USP37: variants seen among roughly 807,000 people sequenced by gnomAD.
The protein encoded by USP37 is ubiquitin specific peptidase 37.
A neutral mutation model predicts 124.0 loss-of-function variants in USP37; 27 were observed. The ratio of observed to expected loss-of-function variants is 0.22; its 90% CI spans 0.16 to 0.30. USP37 has a LOEUF of 0.30. Among genes scored for constraint, USP37 ranks in the 10% least tolerant of loss-of-function variants. The pLI, the probability that USP37 is intolerant of heterozygous loss-of-function variation, is 1.00. For missense variants in USP37, 889 were observed against 1,140.4 expected (o/e 0.78, Z 3.17); for synonymous variants, 365 against 388.0 (o/e 0.94, Z 0.70).
Position 218,456,235 on chromosome 2 carries a change from G to C in USP37, c.2714-517C>G, listed in dbSNP as rs377523316. Among the ~76,000 whole-genome samples, 157 of 151,512 alleles carry C rather than the reference G, an allele frequency of 1.0e-3. 3 individuals carry two copies. The South Asian group carries it at 0.032, about 31-fold the overall frequency. ...AGGCCAAGGCAGGAGGACTGCTTGA[G>C]GCCAGGAGTTTGAAACCAGCTTGGG... On this transcript the variant is annotated intron_variant, in intron 24 of 25. Coordinates refer to ENST00000258399, the MANE Select transcript of USP37 (RefSeq NM_020935.3).
At chr2:218,455,101 T>C (rs759764099) in intron 25 of USP37, 84 bp from the exon 26 acceptor site, 5 of 1,512,936 alleles carry the variant, frequency 3.3e-6, no homozygotes, top group Non-Finnish European at 4.5e-6. Context: ...TAAAATAAAA[T>C]TGATATGGAT....
chr2:218,560,727 G>A (rs1574968885), intron 3 of USP37, 93 bp downstream of exon 3: 1 of 152,206 alleles, frequency 6.6e-6, no homozygotes, highest in East Asian at 1.9e-4. Context: ...AGAAAATAAA[G>A]ACATCCAAAC....
chr2:218,474,245 C>T (rs1335344333), intron 20 of USP37, among the ~76,000 whole-genome samples: 2 of 152,172 alleles, frequency 1.3e-5, no homozygotes, highest in African/African-American at 4.8e-5. Flanking sequence ...ATATGGCATA[C>T]TTTACCACTA....
chr2:218,476,953 A>G lies in USP37; in HGVS notation c.1930T>C (p.Leu644=). The change falls in exon 19 of 26, where the codon TTG becomes CTG. Residue 644 remains leucine, a synonymous_variant. Coordinates refer to ENST00000258399, the MANE Select transcript of USP37 (RefSeq NM_020935.3). ...CTGTCTGAATCAAGGCATAAAGCCA[A>G]GGAGCTCTTGGATTTGAAGGTGAAT... ...KKFTFKSKSS[L]ALCLDSDSED... The G allele has an allele frequency of 6.5e-7, 1 of 1,547,722 alleles. No individual in the cohort carries two copies. Among genetic ancestry groups the G allele is most frequent in the Non-Finnish European group, 8.7e-7 (1 of 1,149,872 alleles).
intron 14 of USP37, among the ~76,000 whole-genome samples, chr2:218,492,509 G>C (rs973697397): frequency 6.6e-6 from 1 of 152,166 alleles, no homozygotes; most frequent in Non-Finnish European, 1.5e-5. Context: ...ATTTTAAATG[G>C]ATTGCTTTGG....
intron 5 of USP37, among the ~76,000 whole-genome samples, chr2:218,552,074 G>C (rs1346421787): frequency 6.6e-6 from 1 of 152,136 alleles, no homozygotes; most frequent in Admixed American, 6.6e-5. Flanking sequence ...TTACAGGTGT[G>C]AGCAACCGTG....
chr2:218,476,469 G>C (rs1224202459), intron 19 of USP37, among the ~76,000 whole-genome samples: 2 of 152,068 alleles, frequency 1.3e-5, no homozygotes, highest in Admixed American at 6.6e-5. Context: ...CAGCTACTTG[G>C]GGAGCTGAGG....
intron 5 of USP37, among the ~76,000 whole-genome samples, chr2:218,552,298 T>C (rs1692710855): frequency 6.6e-6 from 1 of 152,224 alleles, no homozygotes; most frequent in Non-Finnish European, 1.5e-5. Context: ...CATATTTAAG[T>C]TGAAAAAATT....
chr2:218,461,522 G>T (rs1001410955), intron 22 of USP37, among the ~76,000 whole-genome samples: 2 of 146,004 alleles, frequency 1.4e-5, no homozygotes, highest in African/African-American at 4.9e-5. Flanking sequence ...AAAAAAAAAA[G>T]AAAAAAGAAA....
chr2:218,460,054 G>A, intron 22 of USP37, 149 bp from the exon 23 acceptor site: 1 of 281,062 alleles, frequency 3.6e-6, no homozygotes, highest in Non-Finnish European at 6.6e-6. Context: ...AACATGGTCA[G>A]AGATGGGGTA....
chr2:218,467,066 G>A (rs1476913778), intron 20 of USP37, among the ~76,000 whole-genome samples: 1 of 152,046 alleles, frequency 6.6e-6, no homozygotes, highest in African/African-American at 2.4e-5. Flanking sequence ...TGTTGAACAT[G>A]TGTTTAAACA....
rs1689287836 is a variant in USP37, at chr2:218,500,025, T to C, written c.1026-1868A>G. ...CTCAAGCAATCCTCCTTCCTTGGCCTCCCAAAGTGTTGGGATTACAGGCGT... is the reference window on the plus strand; with the variant it reads ...CTCAAGCAATCCTCCTTCCTTGGCCCCCCAAAGTGTTGGGATTACAGGCGT... On this transcript the variant is annotated intron_variant, in intron 11 of 25. Transcript: ENST00000258399. 4.6e-5 allele frequency among the ~76,000 whole-genome samples: 7 copies of C among 152,194 alleles called. No individual in the cohort carries two copies. In the South Asian group the frequency reaches 1.2e-3, roughly 27 times the overall value.
intron 8 of USP37, among the ~76,000 whole-genome samples, chr2:218,534,978 G>A (rs768587036): frequency 4.6e-5 from 7 of 152,262 alleles, no homozygotes; most frequent in South Asian, 4.1e-4. Context: ...TTATATAAAA[G>A]TCAAATCAGA....
chr2:218,491,316 A>G (rs1369891008), intron 14 of USP37, among the ~76,000 whole-genome samples: 1 of 152,204 alleles, frequency 6.6e-6, no homozygotes, highest in African/African-American at 2.4e-5. Flanking sequence ...AAGGATCTAT[A>G]GGCAGCCTTT....
At chr2:218,498,296 A>C (rs374407879) in intron 11 of USP37, 139 bp from the exon 12 acceptor site, 2 of 832,854 alleles carry the variant, frequency 2.4e-6, no homozygotes, top group South Asian at 2.8e-5. Flanking sequence ...CCTAACCCCA[A>C]GGTTTCTGAT....
At chr2:218,559,953 CT>C (rs1210992117) in intron 3 of USP37, among the ~76,000 whole-genome samples, 1 of 151,856 alleles carries the variant, frequency 6.6e-6, no homozygotes, top group Non-Finnish European at 1.5e-5. Flanking sequence ...CAATTCCAGC[CT>C]AGGTGACACT....
intron 6 of USP37, 103 bp from the exon 7 acceptor site, chr2:218,547,194 A>ATCGCACCTGGCTCCATTT: frequency 8.0e-7 from 1 of 1,253,232 alleles, no homozygotes; most frequent in Non-Finnish European, 1.1e-6. Flanking sequence ...AAATGGAGCC[A>ATCGCACCTGGCTCCATTT]GGTGCGATGG....
chr2:218,518,555 T>C (rs573339047), intron 10 of USP37, among the ~76,000 whole-genome samples: 1 of 152,322 alleles, frequency 6.6e-6, no homozygotes, highest in African/African-American at 2.4e-5. Context: ...AACCAAAGTA[T>C]ATAATGACTT....
chr2:218,512,592 G>A (rs1442333261), intron 10 of USP37, among the ~76,000 whole-genome samples: 2 of 152,050 alleles, frequency 1.3e-5, no homozygotes, highest in African/African-American at 4.8e-5. Context: ...ATCAAATGTG[G>A]AGCATAACAA....
Sources: allele counts gnomAD v4.1 joint callset (sites outside exome capture counted in the v4.1 genomes callset), GRCh38; gene constraint gnomAD v4.1.1; transcripts MANE v1.5; gene names NCBI Gene and HGNC (gene_info 2026-07-23, HGNC 2026-07-21).